EPC2: variants seen among roughly 807,000 people sequenced by gnomAD.
EPC2 encodes enhancer of polycomb 2.
A neutral mutation model predicts 92.1 loss-of-function variants in EPC2; 14 were observed. That is an observed-to-expected ratio of 0.15 (90% CI 0.10 to 0.24). The LOEUF is 0.24. Among genes scored for constraint, EPC2 ranks in the 10% least tolerant of loss-of-function variants. The pLI is 1.00. For synonymous variants in EPC2, 340 were observed against 334.7 expected, an observed-to-expected ratio of 1.02 and a Z score of -0.17; for missense variants, 755 against 971.5, an observed-to-expected ratio of 0.78 and a Z score of 2.96.
At chr2:148,741,308 C>G (rs763511860) in intron 2 of EPC2, among the ~76,000 whole-genome samples, 3 of 152,006 alleles carry the variant, frequency 2.0e-5, no homozygotes, top group Admixed American at 6.5e-5. Context: ...TGAGTACTAC[C>G]TTGCCCATAG....
chr2:148,646,141 T>C lies in EPC2; in HGVS notation c.153+971T>C, dbSNP rs578257836. Among the ~76,000 whole-genome samples, 458 of 152,330 alleles carry C rather than the reference T, an allele frequency of 3.0e-3. 2 individuals are homozygous for C. Among genetic ancestry groups the C allele is most frequent in the Non-Finnish European group, 4.7e-3 (320 of 68,018 alleles). On this transcript the variant is annotated intron_variant, in intron 1 of 13. Coordinates refer to ENST00000258484, the MANE Select transcript of EPC2 (RefSeq NM_015630.4). ...TAGTAACTGCACCCTCAAGAATTTC[T>C]TCAATGAACCTACAGTCCCGCCTTA... is the stretch of plus-strand genomic sequence containing the variant.
chr2:148,742,413 A>G (rs921396918), intron 2 of EPC2, among the ~76,000 whole-genome samples: 10 of 152,180 alleles, frequency 6.6e-5, no homozygotes, highest in Non-Finnish European at 1.2e-4. Context: ...ATATTTATCA[A>G]TCTATCACTG....
At chr2:148,695,031 G>A (rs1681717847) in intron 2 of EPC2, among the ~76,000 whole-genome samples, 1 of 152,202 alleles carries the variant, frequency 6.6e-6, no homozygotes, top group Non-Finnish European at 1.5e-5. Flanking sequence ...GCCCACCTTG[G>A]CCTCCTAAAG....
chr2:148,719,813 A>G (rs1479348907), intron 2 of EPC2, among the ~76,000 whole-genome samples: 7 of 152,246 alleles, frequency 4.6e-5, no homozygotes, highest in Admixed American at 3.9e-4. Flanking sequence ...GGGCTCTCCA[A>G]GCCCCACTGG....
chr2:148,781,903 C>T (rs1683757374), intron 11 of EPC2, 123 bp downstream of exon 11: 3 of 1,095,386 alleles, frequency 2.7e-6, no homozygotes, highest in Non-Finnish European at 3.9e-6. Context: ...GGTCTGTAAC[C>T]TGAATTTCTT....
intron 1 of EPC2, among the ~76,000 whole-genome samples, chr2:148,683,318 A>G (rs1319851158): frequency 6.6e-6 from 1 of 150,730 alleles, no homozygotes; most frequent in East Asian, 1.9e-4. Flanking sequence ...CCCAGGCTGG[A>G]GTGCAGTGGC....
At chr2:148,708,263 C>G (rs568297773) in intron 2 of EPC2, among the ~76,000 whole-genome samples, 3 of 152,036 alleles carry the variant, frequency 2.0e-5, no homozygotes, top group Non-Finnish European at 4.4e-5. Context: ...ACAAATTCCT[C>G]GACACATACA....
chr2:148,706,663 A>G (rs1039491243), intron 2 of EPC2, among the ~76,000 whole-genome samples: 1 of 152,232 alleles, frequency 6.6e-6, no homozygotes, highest in African/African-American at 2.4e-5. Flanking sequence ...CAGAAATCCT[A>G]CAAGCCAGAA....
At chr2:148,721,943 G>C (rs1332945939) in intron 2 of EPC2, among the ~76,000 whole-genome samples, 1 of 45,722 alleles carries the variant, frequency 2.2e-5, no homozygotes, top group South Asian at 6.9e-4. Context: ...TTATTCATCT[G>C]TTTTTGCATG....
chr2:148,740,047 A>G (rs565208476), intron 2 of EPC2, among the ~76,000 whole-genome samples: 2 of 150,950 alleles, frequency 1.3e-5, no homozygotes, highest in South Asian at 4.2e-4. Context: ...TGGTTGACTG[A>G]CCTATGAAAC....
intron 1 of EPC2, among the ~76,000 whole-genome samples, chr2:148,675,847 T>A (rs943951546): frequency 2.4e-4 from 36 of 152,232 alleles, no homozygotes; most frequent in African/African-American, 8.2e-4. Flanking sequence ...CAGTCAGCTA[T>A]CTTTAGTTGG....
chr2:148,743,989 A>G (rs1296125005), intron 3 of EPC2, among the ~76,000 whole-genome samples: 4 of 152,124 alleles, frequency 2.6e-5, no homozygotes, highest in Admixed American at 1.3e-4. Context: ...GGATAAAAAT[A>G]ATACTAGTCA....
intron 1 of EPC2, among the ~76,000 whole-genome samples, chr2:148,685,591 T>A (rs1681500591): frequency 6.6e-6 from 1 of 152,130 alleles, no homozygotes; most frequent in Admixed American, 6.5e-5. Context: ...AAACACCGTC[T>A]CTACTAAAAA....
At chr2:148,687,887 A>G (rs1259844735) in intron 1 of EPC2, among the ~76,000 whole-genome samples, 1 of 152,188 alleles carries the variant, frequency 6.6e-6, no homozygotes, top group Non-Finnish European at 1.5e-5. Context: ...TTTGGTATCT[A>G]TCCCCCTCTA....
intron 1 of EPC2, among the ~76,000 whole-genome samples, chr2:148,671,352 G>T (rs1301893257): frequency 7.4e-6 from 1 of 134,782 alleles, no homozygotes; most frequent in Non-Finnish European, 1.5e-5. Flanking sequence ...GATGGCTCAT[G>T]CCTGTAATCC....
intron 2 of EPC2, among the ~76,000 whole-genome samples, chr2:148,723,755 C>T (rs901720532): frequency 2.6e-5 from 4 of 151,952 alleles, no homozygotes; most frequent in Admixed American, 2.6e-4. Flanking sequence ...TCCATATCGT[C>T]GTCTTTGTAA....
intron 2 of EPC2, among the ~76,000 whole-genome samples, chr2:148,743,105 C>A (rs143297894): frequency 3.9e-4 from 60 of 152,112 alleles, no homozygotes; most frequent in African/African-American, 1.4e-3. Flanking sequence ...TACTTTTTAC[C>A]ATTAAATTTT....
chr2:148,773,978 G>A (rs2105433798), intron 10 of EPC2, among the ~76,000 whole-genome samples: 1 of 152,060 alleles, frequency 6.6e-6, no homozygotes, highest in East Asian at 1.9e-4. Context: ...CTTGTTCTTA[G>A]TGGGCTTGGT....
At chr2:148,751,174 G>A (rs1683076991) in intron 3 of EPC2, among the ~76,000 whole-genome samples, 1 of 151,920 alleles carries the variant, frequency 6.6e-6, no homozygotes, top group Non-Finnish European at 1.5e-5. Flanking sequence ...TGACTGTTTT[G>A]TAAATTAAAT....
Sources: allele counts gnomAD v4.1 joint callset (sites outside exome capture counted in the v4.1 genomes callset), GRCh38; gene constraint gnomAD v4.1.1; transcripts MANE v1.5; gene names NCBI Gene and HGNC (gene_info 2026-07-23, HGNC 2026-07-21).